The following GALNT13 variants were observed in gnomAD, a reference collection of about 807,000 sequenced individuals.
GALNT13 encodes polypeptide N-acetylgalactosaminyltransferase 13.
Under a neutral mutation model 64.2 loss-of-function variants are expected in GALNT13, and 28 were observed. The observed-to-expected ratio is 0.44, with a 90% CI of 0.32 to 0.60. The LOEUF (loss-of-function observed/expected upper bound fraction) is 0.60, where lower values mean the gene tolerates loss of function less well. Among genes scored for constraint, GALNT13 ranks in the 20% least tolerant of loss-of-function variants. GALNT13 has a pLI of 0.05. For synonymous variants in GALNT13, 214 were observed against 224.6 expected, an observed-to-expected ratio of 0.95 and a Z score of 0.42; for missense variants, 577 against 669.8, an observed-to-expected ratio of 0.86 and a Z score of 1.53.
chr2:154,221,101 T>C (rs1474156122), intron 4 of GALNT13, among the ~76,000 whole-genome samples: 1 of 152,074 alleles, frequency 6.6e-6, no homozygotes, highest in Non-Finnish European at 1.5e-5. Flanking sequence ...TAACCAATTC[T>C]TTCCACCTGC....
intron 2 of GALNT13, among the ~76,000 whole-genome samples, chr2:153,935,065 T>C (rs901383701): frequency 6.6e-6 from 1 of 152,232 alleles, no homozygotes; most frequent in African/African-American, 2.4e-5. Context: ...AAGGCTATTA[T>C]GAGCAGAACT....
chr2:153,963,711 G>A (rs1055065444), intron 3 of GALNT13, among the ~76,000 whole-genome samples: 7 of 127,208 alleles, frequency 5.5e-5, no homozygotes, highest in African/African-American at 2.1e-4. Context: ...CTGTCTCTCC[G>A]TCTCTCTCTC....
At chr2:154,070,015 G>A (rs1193695921) in intron 3 of GALNT13, among the ~76,000 whole-genome samples, 1 of 152,010 alleles carries the variant, frequency 6.6e-6, no homozygotes, top group Admixed American at 6.6e-5. Context: ...TTTAAAGAAT[G>A]CACTATTAAT....
At chr2:153,831,166 A>G in the GALNT13 span, among the ~76,000 whole-genome samples, 1 of 152,152 alleles carries the variant, frequency 6.6e-6, no homozygotes, top group African/African-American at 2.4e-5. Flanking sequence ...TACTGTTACT[A>G]TGCTTGTTGA....
the GALNT13 span, among the ~76,000 whole-genome samples, chr2:153,225,604 C>A: frequency 6.6e-6 from 1 of 152,044 alleles, no homozygotes; most frequent in Admixed American, 6.5e-5. Context: ...TGTTAAAAAC[C>A]TCTGAAACTA....
At chr2:153,164,168 T>C in the GALNT13 span, among the ~76,000 whole-genome samples, 2 of 152,166 alleles carry the variant, frequency 1.3e-5, no homozygotes, top group Non-Finnish European at 2.9e-5. Context: ...ATTGGAATGG[T>C]AAAAATTTCT....
chr2:154,172,984 T>C (rs1008639615), intron 4 of GALNT13, among the ~76,000 whole-genome samples: 1 of 151,914 alleles, frequency 6.6e-6, no homozygotes, highest in African/African-American at 2.4e-5. Flanking sequence ...AAAATTTATA[T>C]AGAACTACAG....
At chr2:154,341,608 C>CA (rs147416892) in intron 9 of GALNT13, among the ~76,000 whole-genome samples, 2,635 of 152,014 alleles carry the variant, frequency 0.017, 73 homozygotes, top group African/African-American at 0.06. Flanking sequence ...TGAGGTCAGA[C>CA]AGTTGGGGAA....
chr2:153,822,953 ATAG>A, the GALNT13 span, among the ~76,000 whole-genome samples: 5 of 152,224 alleles, frequency 3.3e-5, no homozygotes, highest in Non-Finnish European at 7.3e-5. Context: ...GTGAAAAAAA[ATAG>A]TAGTATTTAT....
chr2:153,536,350 C>G, the GALNT13 span, among the ~76,000 whole-genome samples: 1 of 152,198 alleles, frequency 6.6e-6, no homozygotes, highest in Admixed American at 6.5e-5. Context: ...ATTACTGCTT[C>G]AATGTGTTGT....
At chr2:154,416,629 CG>C (rs1224035357) in intron 11 of GALNT13, among the ~76,000 whole-genome samples, 2 of 152,046 alleles carry the variant, frequency 1.3e-5, no homozygotes, top group Non-Finnish European at 2.9e-5. Context: ...AGAAAAGAAA[CG>C]TTTCACTTTG....
the GALNT13 span, among the ~76,000 whole-genome samples, chr2:153,302,165 A>G: frequency 6.6e-6 from 1 of 152,202 alleles, no homozygotes; most frequent in African/African-American, 2.4e-5. Context: ...TTATATTCCC[A>G]CCAAAAAGTG....
intron 3 of GALNT13, among the ~76,000 whole-genome samples, chr2:154,053,348 C>A (rs1392443661): frequency 1.3e-5 from 2 of 152,056 alleles, no homozygotes; most frequent in Non-Finnish European, 2.9e-5. Flanking sequence ...AGCCTCCTTT[C>A]ATCCTTTTCC....
chr2:153,690,683 G>C, the GALNT13 span, among the ~76,000 whole-genome samples: 1 of 152,096 alleles, frequency 6.6e-6, no homozygotes, highest in Non-Finnish European at 1.5e-5. Flanking sequence ...CATCTTTGGT[G>C]CAGAAATCCC....
At chr2:153,162,351 G>A in the GALNT13 span, among the ~76,000 whole-genome samples, 16 of 152,058 alleles carry the variant, frequency 1.1e-4, no homozygotes, top group East Asian at 1.7e-3. Flanking sequence ...AAATCATAAC[G>A]ACATTTTAAT....
intron 11 of GALNT13, among the ~76,000 whole-genome samples, chr2:154,413,577 T>C (rs768030127): frequency 6.6e-6 from 1 of 152,012 alleles, no homozygotes; most frequent in Non-Finnish European, 1.5e-5. Flanking sequence ...TGATCTACCT[T>C]GATGTCCCAT....
chr2:153,239,962 C>G, the GALNT13 span, among the ~76,000 whole-genome samples: 1 of 152,108 alleles, frequency 6.6e-6, no homozygotes, highest in African/African-American at 2.4e-5. Flanking sequence ...CTTTTCTTTA[C>G]AGGGAGACTT....
chr2:153,103,934 C>T, the GALNT13 span, among the ~76,000 whole-genome samples: 7 of 152,152 alleles, frequency 4.6e-5, no homozygotes, highest in Non-Finnish European at 8.8e-5. Flanking sequence ...GAGCCTTATA[C>T]AAACCCTCTA....
the GALNT13 span, among the ~76,000 whole-genome samples, chr2:153,410,709 T>C: frequency 6.6e-6 from 1 of 152,082 alleles, no homozygotes; most frequent in African/African-American, 2.4e-5. Flanking sequence ...ATAATCTCAA[T>C]TAAAATTCTA....
Sources: gnomAD v4.1 joint callset for allele counts (sites outside exome capture counted in the v4.1 genomes callset) on GRCh38, gnomAD v4.1.1 for gene constraint, MANE v1.5 for transcripts, NCBI Gene and HGNC (gene_info 2026-07-23, HGNC 2026-07-21) for gene names.